Variants in ZNF701 observed in about 807,000 individuals in gnomAD.
The protein encoded by ZNF701 is zinc finger protein 701.
Under a neutral mutation model 7.1 loss-of-function variants are expected in ZNF701, and 6 were observed. The ratio of observed to expected loss-of-function variants is 0.84; its 90% CI spans 0.46 to 1.66. ZNF701 has a LOEUF of 1.66. Ranked by LOEUF, ZNF701 falls within the 40% of genes most tolerant of loss-of-function variation. The pLI is 0.01. For synonymous variants in ZNF701, 166 were observed against 188.2 expected (o/e 0.88, Z 0.97); for missense variants, 541 against 559.2 (o/e 0.97, Z 0.33).
In ZNF701 at chr19:52,584,489, A is replaced by C. The variant is rs557639904; in HGVS notation, c.*1032A>C. 6.5e-6 allele frequency: 1 copy of C among 153,050 alleles called. No individual in the cohort carries two copies. The highest frequency in any genetic ancestry group is 1.5e-5 in the Non-Finnish European group (1 of 68,624). The allele number at this position is 153,050 out of a possible 1,614,324, so 9.5% of individuals were successfully genotyped here. ...CTTTTTGTTTCTTTAACAAAAACCA[A>C]TAGGGGTTTTTATAGGTATTGTGTT... On this transcript the variant is annotated 3_prime_UTR_variant, in exon 4 of 4. Transcript: ENST00000391785.
chr19:52,570,571 G>GT (rs1249572819), intron 1 of ZNF701: 1 of 152,258 alleles, frequency 6.6e-6, no homozygotes, highest in African/African-American at 2.4e-5. Flanking sequence ...CTATCGCGTA[G>GT]TTTCTGTGCT....
intron 3 of ZNF701, among the ~76,000 whole-genome samples, chr19:52,577,803 G>A (rs945792834): frequency 5.3e-5 from 8 of 152,010 alleles, no homozygotes; most frequent in Non-Finnish European, 7.4e-5. Flanking sequence ...AGGCCTGCCC[G>A]CAGTCATCCG....
At chr19:52,589,557 G>A (rs1425866583), downstream of ZNF701, among the ~76,000 whole-genome samples, 1 of 148,476 alleles carries the variant, frequency 6.7e-6, no homozygotes, top group Non-Finnish European at 1.5e-5. Flanking sequence ...TTGGCTGACT[G>A]CAGCCTCCAC....
chr19:52,579,386 G>A (rs1400007679), intron 3 of ZNF701, among the ~76,000 whole-genome samples: 1 of 141,062 alleles, frequency 7.1e-6, no homozygotes, highest in African/African-American at 3.1e-5. Flanking sequence ...AGCCGGGTGT[G>A]GTGGCGGGCA....
chr19:52,597,041 T>C, the ZNF701 span: 2 of 1,246,814 alleles, frequency 1.6e-6, no homozygotes, highest in Non-Finnish European at 1.1e-6. Context: ...TCAGTAATGC[T>C]ACAACCATTG....
At chr19:52,577,765 G>A (rs1162130454) in intron 3 of ZNF701, among the ~76,000 whole-genome samples, 2 of 152,052 alleles carry the variant, frequency 1.3e-5, no homozygotes, top group African/African-American at 4.8e-5. Context: ...TGCTCCACCA[G>A]CTTCTCGTGG....
At chr19:52,571,585 C>G (rs142354955) in intron 1 of ZNF701, among the ~76,000 whole-genome samples, 1 of 152,160 alleles carries the variant, frequency 6.6e-6, no homozygotes, top group East Asian at 1.9e-4. Context: ...GTCTCGAACT[C>G]CTGACCTCAG....
the ZNF701 span, among the ~76,000 whole-genome samples, chr19:52,598,285 T>C: frequency 6.6e-6 from 1 of 152,178 alleles, no homozygotes; most frequent in African/African-American, 2.4e-5. Context: ...AAACAACATA[T>C]TGTGTTGGGC....
intron 1 of ZNF701, among the ~76,000 whole-genome samples, chr19:52,571,409 G>C (rs75514776): frequency 1.3e-5 from 2 of 152,146 alleles, no homozygotes; most frequent in Middle Eastern, 3.4e-3. Context: ...CAGGGAGAGC[G>C]GCAGAGATGC....
chr19:52,571,303 G>A (rs1478437692), intron 1 of ZNF701, among the ~76,000 whole-genome samples: 1 of 151,934 alleles, frequency 6.6e-6, no homozygotes, highest in Non-Finnish European at 1.5e-5. Context: ...CTGGTGGCAA[G>A]GAGAACAGAG....
chr19:52,596,707 C>G, the ZNF701 span: 3 of 490,480 alleles, frequency 6.1e-6, no homozygotes, highest in Non-Finnish European at 8.4e-6. Flanking sequence ...ACACATTTCA[C>G]GAGTATGGAA....
At chr19:52,598,209 G>T in the ZNF701 span, 1 of 152,306 alleles carries the variant, frequency 6.6e-6, no homozygotes, top group Non-Finnish European at 1.5e-5. Context: ...CTCCCAAAGT[G>T]CTGGGATTAC....
At chr19:52,597,033 A>G in the ZNF701 span, 1 of 1,238,220 alleles carries the variant, frequency 8.1e-7, no homozygotes, top group East Asian at 2.7e-5. Context: ...CAAAGTCTTC[A>G]GTAATGCTAC....
At chr19:52,571,602 C>T (rs1296459694) in intron 1 of ZNF701, among the ~76,000 whole-genome samples, 1 of 151,538 alleles carries the variant, frequency 6.6e-6, no homozygotes, top group Non-Finnish European at 1.5e-5. Flanking sequence ...TCAGGTGATC[C>T]ACCCGCCTCG....
At chr19:52,575,127 G>A (rs1253481047) in intron 2 of ZNF701, among the ~76,000 whole-genome samples, 1 of 151,920 alleles carries the variant, frequency 6.6e-6, no homozygotes, top group African/African-American at 2.4e-5. Flanking sequence ...CCCCCACCAC[G>A]CCCGGATAAT....
downstream of ZNF701, among the ~76,000 whole-genome samples, chr19:52,590,023 A>T (rs1227246593): frequency 6.6e-6 from 1 of 151,218 alleles, no homozygotes; most frequent in Non-Finnish European, 1.5e-5. Flanking sequence ...CGATCTCCCG[A>T]CCTCAGGTGA....
chr19:52,590,360 C>A (rs2060032428), downstream of ZNF701, among the ~76,000 whole-genome samples: 1 of 152,144 alleles, frequency 6.6e-6, no homozygotes, highest in African/African-American at 2.4e-5. Context: ...CCTCGGCTTT[C>A]AAGTCCTGGT....
rs1479923284 is a variant in ZNF701 at position 52,585,264 on chromosome 19, C to G, written c.*1807C>G. 1 of 151,528 alleles carries G rather than the reference C, an allele frequency of 6.6e-6. No individual in the cohort carries two copies. Among genetic ancestry groups the G allele is most frequent in the Non-Finnish European group, 1.5e-5 (1 of 68,240 alleles). The allele number at this position is 151,528 out of a possible 1,614,324, so 9.4% of individuals were successfully genotyped here. ...GGTCCTCACCAGCGAGTTGGACTCTCGCCCTGGGCTCCTCATCGGCGCCTG... is the reference window on the plus strand; with the variant it reads ...GGTCCTCACCAGCGAGTTGGACTCTGGCCCTGGGCTCCTCATCGGCGCCTG... On this transcript the variant is annotated 3_prime_UTR_variant, in exon 4 of 4. Transcript: ENST00000391785.
In ZNF701 at chr19:52,583,159, C is replaced by A. The variant is rs1280051929; in HGVS notation, c.1100C>A (p.Ser367Ter). The A allele has an allele frequency of 2.5e-6, 4 of 1,613,598 alleles. No individual in the cohort carries two copies. In the South Asian group the frequency reaches 4.4e-5, roughly 18 times the overall value. Residue 367 changes from serine to a stop codon, truncating the protein, a stop_gained, in exon 4 of 4, where the codon TCA (serine) becomes TAA (stop). Transcript: ENST00000391785. LOFTEE classifies it low-confidence loss of function (END_TRUNC). Reference sequence around the variant, plus strand: ...TGTGACAAGGCTTTCAGACGTGATTCACACCTGGCACAACATACTGTAATT... The same window carrying A: ...TGTGACAAGGCTTTCAGACGTGATTAACACCTGGCACAACATACTGTAATT... ...KVCDKAFRRDSHLAQHTVIHT... is the reference protein window; with the variant it reads ...KVCDKAFRRD
Sources: allele counts gnomAD v4.1 joint callset (sites outside exome capture counted in the v4.1 genomes callset), GRCh38; gene constraint gnomAD v4.1.1; transcripts MANE v1.5; gene names NCBI Gene and HGNC (gene_info 2026-07-23, HGNC 2026-07-21).